Variants in SPIDR observed in about 807,000 individuals in gnomAD.
The protein encoded by SPIDR is DNA repair-scaffolding protein.
Under a neutral mutation model 104.6 loss-of-function variants are expected in SPIDR, and 93 were observed. The observed-to-expected ratio is 0.89, with a 90% CI of 0.75 to 1.06. SPIDR has a LOEUF of 1.06. SPIDR is among the 50% of genes least tolerant of loss of function. SPIDR has a pLI of 0.00. For synonymous variants in SPIDR, 431 were observed against 416.9 expected (o/e 1.03, Z -0.41); for missense variants, 1,154 against 1,111.2 (o/e 1.04, Z -0.55).
At chr8:47,356,722 A>G (rs1008931207) in intron 5 of SPIDR, among the ~76,000 whole-genome samples, 6 of 132,742 alleles carry the variant, frequency 4.5e-5, no homozygotes, top group Admixed American at 8.0e-5. Flanking sequence ...GCACATTTGC[A>G]GTGGGTGGTA....
chr8:47,719,508 C>CAA (rs1391799802), intron 16 of SPIDR, among the ~76,000 whole-genome samples: 1 of 141,704 alleles, frequency 7.1e-6, no homozygotes, highest in East Asian at 2.0e-4. Flanking sequence ...GACTCCGTAT[C>CAA]AAAAAAAAAA....
rs973651047 is a variant in SPIDR, at chr8:47,391,807, T to C, written c.526-4569T>C. 2.6e-5 allele frequency among the ~76,000 whole-genome samples: 4 copies of C among 151,916 alleles called. No homozygotes were observed. The South Asian group carries it at 6.2e-4, about 24-fold the overall frequency. ...GTCAGGAGATCGAGACCATCCTGGC[T>C]AACATGGTGAAACCCCGTCTCTACT... On this transcript the variant is annotated intron_variant, in intron 5 of 19. Transcript: ENST00000297423.
chr8:47,289,230 T>G (rs1179690005), intron 3 of SPIDR, among the ~76,000 whole-genome samples: 1 of 151,996 alleles, frequency 6.6e-6, no homozygotes, highest in Admixed American at 6.6e-5. Flanking sequence ...AGGCTGGAGT[T>G]TTTTTTGTTT....
intron 10 of SPIDR, among the ~76,000 whole-genome samples, chr8:47,667,565 C>T (rs1188852836): frequency 2.7e-5 from 4 of 149,360 alleles, no homozygotes; most frequent in Non-Finnish European, 4.4e-5. Flanking sequence ...AAGCCTCCAA[C>T]ATAAGAAATA....
chr8:47,689,853 C>T (rs959270451), intron 11 of SPIDR, among the ~76,000 whole-genome samples: 4 of 152,068 alleles, frequency 2.6e-5, no homozygotes, highest in Non-Finnish European at 5.9e-5. Context: ...GAAGCCTGGT[C>T]GCTTGATAAA....
At chr8:47,698,451 C>T (rs1319178492) in intron 11 of SPIDR, among the ~76,000 whole-genome samples, 1 of 152,206 alleles carries the variant, frequency 6.6e-6, no homozygotes, top group Non-Finnish European at 1.5e-5. Flanking sequence ...AGTGGCCATC[C>T]AAACCATTAT....
intron 19 of SPIDR, chr8:47,732,653 A>G (rs2085451274): frequency 6.3e-6 from 1 of 157,976 alleles, no homozygotes; most frequent in African/African-American, 2.4e-5. Context: ...GGGCCTGGGT[A>G]GAGATGTTAG....
intron 5 of SPIDR, among the ~76,000 whole-genome samples, chr8:47,339,542 T>A (rs2050339361): frequency 6.6e-6 from 1 of 152,202 alleles, no homozygotes; most frequent in Admixed American, 6.5e-5. Context: ...AATGGGTATT[T>A]ATTTAAAAAA....
Position 47,547,313 on chromosome 8 carries a change from A to C in SPIDR, c.1098-48498A>C, listed in dbSNP as rs2089585789. 7.3e-6 allele frequency: 4 copies of C among 551,252 alleles called. No individual in the cohort carries two copies. The East Asian group carries it at 1.8e-4, about 25-fold the overall frequency. The allele number at this position is 551,252 out of a possible 1,614,324, so 34.1% of individuals were successfully genotyped here. ...ATGAGACGAAAATTCTCTCCCATCT[A>C]GTCAATGCCCATGACATCTATGAAT... On this transcript the variant is annotated intron_variant, in intron 8 of 19. Coordinates refer to ENST00000297423, the MANE Select transcript of SPIDR (RefSeq NM_001080394.4).
chr8:47,592,595 G>T, intron 8 of SPIDR: 2 of 1,230,236 alleles, frequency 1.6e-6, no homozygotes, highest in Non-Finnish European at 2.4e-6. Context: ...GATCCTGCGG[G>T]GCAGCCCTGC....
intron 8 of SPIDR, among the ~76,000 whole-genome samples, chr8:47,475,548 A>C (rs1316349437): frequency 1.3e-5 from 2 of 152,244 alleles, no homozygotes; most frequent in African/African-American, 4.8e-5. Context: ...AATTGCAAGT[A>C]AAATATCACT....
chr8:47,538,810 A>G (rs2154387940), intron 8 of SPIDR, among the ~76,000 whole-genome samples: 1 of 151,656 alleles, frequency 6.6e-6, no homozygotes, highest in South Asian at 2.1e-4. Context: ...TAAGGGCAAG[A>G]AATGATTATT....
At chr8:47,544,864 C>G (rs1464192955) in intron 8 of SPIDR, among the ~76,000 whole-genome samples, 1 of 152,106 alleles carries the variant, frequency 6.6e-6, no homozygotes, top group African/African-American at 2.4e-5. Context: ...TCTGGAACTT[C>G]AGTAGGAATT....
At chr8:47,678,780 G>A (rs559153792) in intron 11 of SPIDR, among the ~76,000 whole-genome samples, 104 of 152,290 alleles carry the variant, frequency 6.8e-4, no homozygotes, top group African/African-American at 2.5e-3. Context: ...GTGAGGGGAG[G>A]AAGTGCATTT....
chr8:47,453,165 G>A (rs1200668818), intron 8 of SPIDR, among the ~76,000 whole-genome samples: 2 of 152,118 alleles, frequency 1.3e-5, no homozygotes, highest in East Asian at 3.8e-4. Flanking sequence ...GGGATGTGAA[G>A]GACCTCTTCA....
At chr8:47,349,051 A>G (rs1219312129) in intron 5 of SPIDR, among the ~76,000 whole-genome samples, 3 of 152,178 alleles carry the variant, frequency 2.0e-5, no homozygotes, top group Admixed American at 1.3e-4. Context: ...TAGAATTTTC[A>G]GCTTTTCTGC....
chr8:47,368,384 A>AAAAG (rs1563760498), intron 5 of SPIDR, among the ~76,000 whole-genome samples: 3 of 124,064 alleles, frequency 2.4e-5, no homozygotes, highest in African/African-American at 9.4e-5. Flanking sequence ...AAAAAAAAAA[A>AAAAG]GGATTTTGCT....
intron 8 of SPIDR, among the ~76,000 whole-genome samples, chr8:47,503,900 G>A (rs937783320): frequency 6.6e-6 from 1 of 152,154 alleles, no homozygotes; most frequent in Non-Finnish European, 1.5e-5. Context: ...ATGAAGCTTA[G>A]TTTGGCTGGA....
At chr8:47,667,265 A>C (rs901172860) in intron 10 of SPIDR, among the ~76,000 whole-genome samples, 1 of 152,086 alleles carries the variant, frequency 6.6e-6, no homozygotes, top group Non-Finnish European at 1.5e-5. Flanking sequence ...TGGGCAACAG[A>C]GGGAGACTCG....
Sources: gnomAD v4.1 joint callset for allele counts (sites outside exome capture counted in the v4.1 genomes callset) on GRCh38, gnomAD v4.1.1 for gene constraint, MANE v1.5 for transcripts, NCBI Gene and HGNC (gene_info 2026-07-23, HGNC 2026-07-21) for gene names.